Variants in CRB2 observed in about 807,000 individuals in gnomAD.
CRB2 encodes the protein protein crumbs homolog 2.
In CRB2, 85 loss-of-function variants were observed where a neutral mutation model predicts 110.9. The observed-to-expected ratio is 0.77, with a 90% CI of 0.64 to 0.92. The LOEUF (loss-of-function observed/expected upper bound fraction) is 0.92, where lower values mean the gene tolerates loss of function less well. Ranked by LOEUF, CRB2 falls within the 40% of genes least tolerant of loss-of-function variation. The probability of loss-of-function intolerance (pLI) is 0.00; values close to 1 mark genes in which losing one functional copy is unlikely to be tolerated. For synonymous variants in CRB2, 907 were observed against 831.0 expected (o/e 1.09, Z -1.57); for missense variants, 1,843 against 1,851.3 (o/e 1.00, Z 0.08).
chr9:123,358,899 A>C (rs2041829865), intron 1 of CRB2, among the ~76,000 whole-genome samples: 1 of 152,176 alleles, frequency 6.6e-6, no homozygotes. Context: ...TTTCAAGGGA[A>C]ATTTTAGATG....
At chr9:123,375,065 C>A in intron 11 of CRB2, 152 bp from the exon 12 acceptor site, 1 of 1,200,478 alleles carries the variant, frequency 8.3e-7, no homozygotes, top group Non-Finnish European at 1.2e-6. Context: ...AGGTGGTCAC[C>A]TGGCAGGGCC....
intron 4 of CRB2, among the ~76,000 whole-genome samples, 197 bp from the exon 5 acceptor site, chr9:123,366,975 C>T (rs114219949): frequency 1.4e-3 from 214 of 150,760 alleles, no homozygotes; most frequent in African/African-American, 4.9e-3. Flanking sequence ...AGTAGTAAGA[C>T]TAGTAATAGC....
At chr9:123,374,041 T>C in intron 10 of CRB2, 121 bp downstream of exon 10, 1 of 1,200,450 alleles carries the variant, frequency 8.3e-7, no homozygotes, top group Non-Finnish European at 1.2e-6. Flanking sequence ...TCCTTATCTG[T>C]GACATGAGGA....
rs1352329456 is a variant in CRB2 at position 123,377,686 on chromosome 9, C to G, written c.*624C>G. On this transcript the variant is annotated 3_prime_UTR_variant, in exon 13 of 13. Transcript: ENST00000373631. Reference sequence around the variant, plus strand: ...AGGCCACTAGCAGAGGCTGAGTGGGCTTCTGGCTCCTAGAACAAATGTCCC... The same window carrying G: ...AGGCCACTAGCAGAGGCTGAGTGGGGTTCTGGCTCCTAGAACAAATGTCCC... 1 of 152,230 alleles carries G rather than the reference C, an allele frequency of 6.6e-6. No individual in the cohort carries two copies. Among genetic ancestry groups the G allele is most frequent in the Non-Finnish European group, 1.5e-5 (1 of 68,038 alleles). 9.4% of individuals were successfully genotyped at this position (152,230 alleles called of 1,614,324 possible). A position where few individuals can be genotyped will look rare whatever the true frequency, so the allele number is the denominator to read the frequency against.
In CRB2 at chr9:123,366,210, C is replaced by T. The variant is rs1211202527; in HGVS notation, c.615-17C>T. 9 of 1,413,036 alleles carry T rather than the reference C, an allele frequency of 6.4e-6. No individual in the cohort carries two copies. Among genetic ancestry groups the T allele is most frequent in the Non-Finnish European group, 9.1e-7 (1 of 1,093,738 alleles). 87.5% of individuals were successfully genotyped at this position (1,413,036 alleles called of 1,614,324 possible). ...GGGGCAGGCGCGCGCTCAGCTCCGC[C>T]GGTGCGCCCTCCCCAGGTTCCGGTG... On this transcript the variant is annotated splice_polypyrimidine_tract_variant and intron_variant, in intron 3 of 12. Transcript: ENST00000373631.
At position 123,365,971 on chromosome 9, in the gene CRB2, G is replaced by A. The variant is rs1362160134; in HGVS notation, c.473G>A (p.Gly158Glu). The A allele has an allele frequency of 1.3e-6, 2 of 1,597,712 alleles. No individual in the cohort carries two copies. The highest frequency in any genetic ancestry group is 1.7e-6 in the Non-Finnish European group (2 of 1,179,188). ...TGCGCCTCAGCGCCCTGCCTGCACG[G>A]GGGCTCGTGCCTGGACGGCGTGGGC... The part of the protein sequence containing the change: ...DECASAPCLH[G>E]GSCLDGVGSF... Residue 158 changes from glycine (G) to glutamate (E), a missense_variant, in exon 3 of 13, where the codon GGG becomes GAG. Physicochemically the swap from Gly to Glu is moderately conservative, Grantham distance 98 (BLOSUM62 -2). Coordinates refer to ENST00000373631, the MANE Select transcript of CRB2 (RefSeq NM_173689.7).
chr9:123,371,062 C>G lies in CRB2; in HGVS notation c.1928-8C>G, dbSNP rs1364634760. 1 of 1,609,672 alleles carries G rather than the reference C, an allele frequency of 6.2e-7. No homozygotes were observed. The highest frequency in any genetic ancestry group is 1.3e-5 in the African/African-American group (1 of 74,874). ...AGGCCTCACACCTGGCACCTTCTCT[C>G]CCTGCAGAGATTCCTGCTGCCACCT... On this transcript the variant is annotated splice_polypyrimidine_tract_variant and splice_region_variant and intron_variant, in intron 7 of 12. Coordinates refer to ENST00000373631, the MANE Select transcript of CRB2 (RefSeq NM_173689.7).
At chr9:123,368,752 T>C (rs1475873466) in intron 6 of CRB2, 1 of 1,118,200 alleles carries the variant, frequency 8.9e-7, no homozygotes, top group Non-Finnish European at 1.1e-6. Flanking sequence ...TAGGCCATGC[T>C]GGGCATGGGG....
downstream of CRB2, chr9:123,378,798 GTTTT>G (rs1013946696): frequency 2.8e-5 from 2 of 71,734 alleles, no homozygotes; most frequent in South Asian, 5.5e-4. Context: ...TCGGGTGCCT[GTTTT>G]TTGTTTTTTT....
At chr9:123,380,319 C>CAATCT (rs1384024674), downstream of CRB2, 2 of 152,588 alleles carry the variant, frequency 1.3e-5, no homozygotes, top group Non-Finnish European at 2.9e-5. Context: ...AATAAACATT[C>CAATCT]AATCTAACTT....
chr9:123,368,159 ACTGAACGTCCCTGCCCCCTC>A (rs1375485533), intron 6 of CRB2, among the ~76,000 whole-genome samples: 1 of 151,960 alleles, frequency 6.6e-6, no homozygotes, highest in Non-Finnish European at 1.5e-5. Flanking sequence ...CACCGCCAAC[ACTGAACGTCCCTGCCCCCTC>A]TGGAATGCCT....
rs761857888 is a variant in CRB2, at chr9:123,373,520, CA to C, written c.2990del (p.Gln997ArgfsTer144). Reference protein sequence around the residue: ...RGLASDLGFLQGPGAVRILLA... With the variant: ...RGLASDLGFLXGPGAVRILLA... ...CCTGGCCAGTGACCTGGGCTTCCTG[CA>C]GGGCCCGGGTGCTGTGCGCATCCTG... On this transcript the variant is annotated frameshift_variant, in exon 10 of 13. Coordinates refer to ENST00000373631, the MANE Select transcript of CRB2 (RefSeq NM_173689.7). LOFTEE classifies it high-confidence loss of function. 1 of 1,478,286 alleles carries C rather than the reference CA, an allele frequency of 6.8e-7. No individual in the cohort carries two copies. The highest frequency in any genetic ancestry group is 2.4e-5 in the Admixed American group (1 of 42,544). The allele number at this position is 1,478,286 out of a possible 1,614,324, so 91.6% of individuals were successfully genotyped here. A position where few individuals can be genotyped will look rare whatever the true frequency, so the allele number is the denominator to read the frequency against.
intron 12 of CRB2, among the ~76,000 whole-genome samples, chr9:123,376,538 C>T (rs1262299752): frequency 6.6e-6 from 1 of 152,022 alleles, no homozygotes; most frequent in Non-Finnish European, 1.5e-5. Flanking sequence ...CCCTCGTAGG[C>T]TTCTGTGAAA....
chr9:123,356,481 T>A (rs1399571701), intron 1 of CRB2, 127 bp downstream of exon 1: 1 of 564,878 alleles, frequency 1.8e-6, no homozygotes, highest in Non-Finnish European at 2.8e-6. Flanking sequence ...AGCTGTGGGG[T>A]GCACAGGAGT....
chr9:123,378,020 C>G lies in CRB2; in HGVS notation c.*958C>G, dbSNP rs901947062. ...GCAACCCTTCTCCTGCCCTGAACCC[C>G]CCCAGCTCACCTGACCACCTCTGGT... is the stretch of plus-strand genomic sequence containing the variant. On this transcript the variant is annotated 3_prime_UTR_variant, in exon 13 of 13. Coordinates refer to ENST00000373631, the MANE Select transcript of CRB2 (RefSeq NM_173689.7). 2.0e-5 allele frequency: 3 copies of G among 152,536 alleles called. No homozygotes were observed. The highest frequency in any genetic ancestry group is 7.2e-5 in the African/African-American group (3 of 41,462). The allele number at this position is 152,536 out of a possible 1,614,324, so 9.4% of individuals were successfully genotyped here. A position where few individuals can be genotyped will look rare whatever the true frequency, so the allele number is the denominator to read the frequency against.
Position 123,367,169 on chromosome 9 carries a change from C to A in CRB2, c.755-3C>A. The A allele has an allele frequency of 6.3e-7, 1 of 1,580,982 alleles. No homozygotes were observed. The highest frequency in any genetic ancestry group is 1.4e-5 in the African/African-American group (1 of 73,864). On this transcript the variant is annotated splice_region_variant and splice_polypyrimidine_tract_variant and intron_variant, in intron 4 of 12. Coordinates refer to ENST00000373631, the MANE Select transcript of CRB2 (RefSeq NM_173689.7). ...CCTGATGTCCGCGTGTGTGTGCCCC[C>A]AGGCTACAGCGGCGAGCTGTGCGAG...
intron 1 of CRB2, among the ~76,000 whole-genome samples, chr9:123,361,366 C>T (rs1175412689): frequency 1.3e-5 from 2 of 152,212 alleles, no homozygotes; most frequent in African/African-American, 4.8e-5. Flanking sequence ...ACCCCAGATA[C>T]AAACCAGGAC....
Position 123,373,657 on chromosome 9 carries a change from G to A in CRB2, c.3126G>A (p.Ala1042=). 2.8e-6 allele frequency: 4 copies of A among 1,426,358 alleles called. No homozygotes were observed. Among genetic ancestry groups the A allele is most frequent in the Non-Finnish European group, 3.6e-6 (4 of 1,097,312 alleles). 88.4% of individuals were successfully genotyped at this position (1,426,358 alleles called of 1,614,324 possible). A position where few individuals can be genotyped will look rare whatever the true frequency, so the allele number is the denominator to read the frequency against. ...GAAPGAREHF[A]SWPGTPAPIL... ...CCCCTGGCGCCCGAGAGCACTTCGC[G>A]TCTTGGCCTGGGACGCCGGCCCCGA... Residue 1042 remains alanine, a synonymous_variant, in exon 10 of 13, where the codon GCG becomes GCA. Coordinates refer to ENST00000373631, the MANE Select transcript of CRB2 (RefSeq NM_173689.7).
chr9:123,354,508 G>A (rs140450598), upstream of CRB2, among the ~76,000 whole-genome samples: 1 of 152,254 alleles, frequency 6.6e-6, no homozygotes, highest in African/African-American at 2.4e-5. Flanking sequence ...TGAGGAGACT[G>A]AGGCCCAGAG....
Sources: gnomAD v4.1 joint callset for allele counts (sites outside exome capture counted in the v4.1 genomes callset) on GRCh38, gnomAD v4.1.1 for gene constraint, MANE v1.5 for transcripts, NCBI Gene and HGNC (gene_info 2026-07-23, HGNC 2026-07-21) for gene names.